The following BAG4 variants were observed in gnomAD, a reference collection of about 807,000 sequenced individuals.
The protein encoded by BAG4 is BAG cochaperone 4, also known as BAG family molecular chaperone regulator 4.
In BAG4, 28 loss-of-function variants were observed where a neutral mutation model predicts 52.1. The observed-to-expected ratio is 0.54, with a 90% CI of 0.40 to 0.74. The LOEUF (loss-of-function observed/expected upper bound fraction) is 0.74. Ranked by LOEUF, BAG4 falls within the 30% of genes least tolerant of loss-of-function variation. The pLI, the probability that BAG4 is intolerant of heterozygous loss-of-function variation, is 0.00. For synonymous variants in BAG4, 208 were observed against 217.0 expected (o/e 0.96, Z 0.37); for missense variants, 525 against 572.0 (o/e 0.92, Z 0.84).
chr8:38,201,864 ATATATATATATATATATTTTTTTTT>A (rs1302391709), intron 2 of BAG4: 13 of 6,028 alleles, frequency 2.2e-3, no homozygotes, highest in Admixed American at 6.2e-3. Context: ...ATATATATAT[ATATATATATATATATATTTTTTTTT>A]TTTTTTTTTT....
chr8:38,185,026 T>C (rs1263574432), intron 1 of BAG4, among the ~76,000 whole-genome samples: 1 of 151,432 alleles, frequency 6.6e-6, no homozygotes, highest in Non-Finnish European at 1.5e-5. Context: ...GAGGTGGAGA[T>C]TGCATTGAGC....
chr8:38,210,285 A>G lies in BAG4; in HGVS notation c.1166A>G (p.Lys389Arg). 2 of 1,614,230 alleles carry G rather than the reference A, an allele frequency of 1.2e-6. No homozygotes were observed. The highest frequency in any genetic ancestry group is 1.7e-6 in the Non-Finnish European group (2 of 1,180,038). Residue 389 changes from lysine (K) to arginine (R), a missense_variant, in exon 5 of 5, where the codon AAG becomes AGG. Coordinates refer to ENST00000287322, the MANE Select transcript of BAG4 (RefSeq NM_004874.4). ...SIKKIIHVLE[K>R]VQYLEQEVEE... Reference sequence around the variant, plus strand: ...AAAAAAATCATACATGTGCTGGAGAAGGTCCAGTATCTTGAACAAGAAGTA... The same window carrying G: ...AAAAAAATCATACATGTGCTGGAGAGGGTCCAGTATCTTGAACAAGAAGTA...
intron 1 of BAG4, among the ~76,000 whole-genome samples, chr8:38,186,852 G>C (rs575812369): frequency 6.6e-6 from 1 of 152,198 alleles, no homozygotes; most frequent in African/African-American, 2.4e-5. Context: ...CATACCCAAG[G>C]CTGTGCCTTC....
chr8:38,191,131 T>C (rs545860798), intron 1 of BAG4, among the ~76,000 whole-genome samples: 1 of 152,286 alleles, frequency 6.6e-6, no homozygotes, highest in East Asian at 1.9e-4. Flanking sequence ...AAATTAAGGA[T>C]TATAAGGTTT....
intron 2 of BAG4, among the ~76,000 whole-genome samples, chr8:38,198,332 C>G (rs539887800): frequency 2.8e-5 from 4 of 145,450 alleles, no homozygotes; most frequent in African/African-American, 5.1e-5. Context: ...TGCAATGAAC[C>G]GAGATCACGC....
rs529532986 is a variant in BAG4, at chr8:38,207,339, T to C, written c.379-173T>C. On this transcript the variant is annotated intron_variant, in intron 2 of 4. Coordinates refer to ENST00000287322, the MANE Select transcript of BAG4 (RefSeq NM_004874.4). ...CTGGTCTCAAACTCCTGACCTCAAA[T>C]GATTCTCCCACCTTGGGCTCCCAAA... Among the ~76,000 whole-genome samples the C allele has an allele frequency of 1.9e-3, 284 of 152,258 alleles. 1 individual carries two copies. Among genetic ancestry groups the C allele is most frequent in the African/African-American group, 6.7e-3 (279 of 41,542 alleles).
intron 2 of BAG4, among the ~76,000 whole-genome samples, chr8:38,203,147 A>G (rs1324255461): frequency 6.6e-6 from 1 of 152,118 alleles, no homozygotes. Context: ...GAAAGAGGAG[A>G]AGTCCATATA....
intron 2 of BAG4, among the ~76,000 whole-genome samples, chr8:38,198,120 C>T (rs1314250523): frequency 2.0e-5 from 3 of 151,902 alleles, no homozygotes; most frequent in Admixed American, 6.6e-5. Flanking sequence ...CGCGGTGGCT[C>T]ACTCCTGTAA....
At position 38,192,701 on chromosome 8, in the gene BAG4, A is replaced by T; in HGVS notation, c.284A>T (p.Tyr95Phe). The T allele has an allele frequency of 1.2e-6, 2 of 1,610,870 alleles. No homozygotes were observed. Among genetic ancestry groups the T allele is most frequent in the Non-Finnish European group, 1.7e-6 (2 of 1,178,982 alleles). The change falls in exon 2 of 5, where the codon TAT becomes TTT. Residue 95 changes from tyrosine (Y) to phenylalanine (F), a missense_variant. Tyr to Phe is a conservative substitution (Grantham distance 22). Around this residue, in one of 2 missense-constraint regions of BAG4, gnomAD observed 287 missense variants for 266.1 expected, o/e 1.08. Transcript: ENST00000287322. ...AGGSHQEQPP[Y>F]PSYNSNYWNS... ...TTTTTTTCTTAGGAGCAGCCACCAT[A>T]TCCTAGCTACAATTCTAACTATTGG... is the stretch of plus-strand genomic sequence containing the variant.
At chr8:38,209,661 T>G in intron 4 of BAG4, 1 of 354,916 alleles carries the variant, frequency 2.8e-6, no homozygotes, top group Non-Finnish European at 5.1e-6. Flanking sequence ...CTGTGTTCCT[T>G]TTCAAGACCT....
intron 2 of BAG4, among the ~76,000 whole-genome samples, chr8:38,202,701 C>T (rs1279557147): frequency 6.6e-6 from 1 of 151,904 alleles, no homozygotes; most frequent in Non-Finnish European, 1.5e-5. Context: ...GCCACTACAC[C>T]TGGCTAATTT....
In BAG4 at chr8:38,210,610, T is replaced by A; in HGVS notation, c.*117T>A. Reference sequence around the variant, plus strand: ...GACAAGAAGCAATACATTCCAGCTTTCCTTTGATTTTATACTTGAAAAACT... The same window carrying A: ...GACAAGAAGCAATACATTCCAGCTTACCTTTGATTTTATACTTGAAAAACT... On this transcript the variant is annotated 3_prime_UTR_variant, in exon 5 of 5. Transcript: ENST00000287322. 3.8e-6 allele frequency: 5 copies of A among 1,312,548 alleles called. No individual in the cohort carries two copies. In the South Asian group the frequency reaches 6.9e-5, roughly 18 times the overall value. The allele number at this position is 1,312,548 out of a possible 1,614,324, so 81.3% of individuals were successfully genotyped here. A position where few individuals can be genotyped will look rare whatever the true frequency, so the allele number is the denominator to read the frequency against.
At chr8:38,193,343 C>T (rs1175483646) in intron 2 of BAG4, among the ~76,000 whole-genome samples, 1 of 151,788 alleles carries the variant, frequency 6.6e-6, no homozygotes, top group African/African-American at 2.4e-5. Flanking sequence ...CGCCTGAACC[C>T]AGGAGGCGGA....
In BAG4 at chr8:38,210,142, T is replaced by C; in HGVS notation, c.1023T>C (p.Tyr341=). The change falls in exon 5 of 5, where the codon TAT becomes TAC. Residue 341 remains tyrosine (Y), a synonymous_variant. Transcript: ENST00000287322. Reference sequence around the variant, plus strand: ...ATCTTTTGGATTCCCAAGTCCAGTATAGTGCTGAGCCTCAGCTGTATGGTA... The same window carrying C: ...ATCTTTTGGATTCCCAAGTCCAGTACAGTGCTGAGCCTCAGCTGTATGGTA... The part of the protein sequence containing the change: ...DSDLLDSQVQ[Y]SAEPQLYGNA... The C allele has an allele frequency of 6.2e-7, 1 of 1,614,112 alleles. No individual in the cohort carries two copies. Among genetic ancestry groups the C allele is most frequent in the Non-Finnish European group, 8.5e-7 (1 of 1,180,026 alleles).
intron 3 of BAG4, among the ~76,000 whole-genome samples, chr8:38,208,414 A>G (rs1238014276): frequency 1.4e-5 from 2 of 142,612 alleles, no homozygotes; most frequent in Admixed American, 7.5e-5. Flanking sequence ...GGTTCATGCC[A>G]TTCTCCGGCC....
chr8:38,181,501 C>G (rs1040087364), intron 1 of BAG4, among the ~76,000 whole-genome samples: 3 of 152,016 alleles, frequency 2.0e-5, no homozygotes, highest in African/African-American at 7.2e-5. Context: ...CTTTGGGAGG[C>G]TGAGGCAGGC....
chr8:38,189,335 G>A (rs1803429220), intron 1 of BAG4, among the ~76,000 whole-genome samples: 1 of 152,194 alleles, frequency 6.6e-6, no homozygotes, highest in African/African-American at 2.4e-5. Context: ...ACTAATGGAT[G>A]CAGTTTCGGT....
chr8:38,190,291 A>C (rs374939604), intron 1 of BAG4, among the ~76,000 whole-genome samples: 3 of 152,232 alleles, frequency 2.0e-5, no homozygotes, highest in African/African-American at 7.2e-5. Context: ...ATCACTACTA[A>C]TAACATTATA....
intron 1 of BAG4, among the ~76,000 whole-genome samples, chr8:38,183,786 G>T (rs1330280512): frequency 6.6e-6 from 1 of 151,900 alleles, no homozygotes; most frequent in Non-Finnish European, 1.5e-5. Flanking sequence ...GCCTCCCTAA[G>T]TGCTGGGATT....
Sources: gnomAD v4.1 joint callset for allele counts (sites outside exome capture counted in the v4.1 genomes callset) on GRCh38, gnomAD v4.1.1 for gene constraint, gnomAD v4.1.1 regional missense constraint, MANE v1.5 for transcripts, NCBI Gene and HGNC (gene_info 2026-07-23, HGNC 2026-07-21) for gene names.